WAC: variants seen among roughly 807,000 people sequenced by gnomAD.
WAC encodes WW domain containing adaptor with coiled-coil, also known as WW domain-containing adapter protein with coiled-coil.
Under a neutral mutation model 79.6 loss-of-function variants are expected in WAC, and 11 were observed. That is an observed-to-expected ratio of 0.14 (90% CI 0.09 to 0.23). The LOEUF (loss-of-function observed/expected upper bound fraction) is 0.23. Among genes scored for constraint, WAC ranks in the 10% least tolerant of loss-of-function variants. The probability of loss-of-function intolerance (pLI) is 1.00; values close to 1 mark genes in which losing one functional copy is unlikely to be tolerated. For missense variants in WAC, 728 were observed against 773.5 expected, an observed-to-expected ratio of 0.94 and a Z score of 0.70; for synonymous variants, 304 against 276.9, an observed-to-expected ratio of 1.10 and a Z score of -0.97.
At chr10:28,592,154 C>T (rs1840125541) in intron 6 of WAC, among the ~76,000 whole-genome samples, 1 of 152,078 alleles carries the variant, frequency 6.6e-6, no homozygotes, top group Non-Finnish European at 1.5e-5. Flanking sequence ...TATTAAAGAA[C>T]ATTGAATTTT....
intron 3 of WAC, among the ~76,000 whole-genome samples, chr10:28,544,227 A>G (rs1426727133): frequency 6.6e-6 from 1 of 152,092 alleles, no homozygotes; most frequent in Non-Finnish European, 1.5e-5. Context: ...TGTTCCCTTT[A>G]TTCGCTTGTA....
intron 3 of WAC, among the ~76,000 whole-genome samples, chr10:28,544,747 T>G (rs1005558693): frequency 6.6e-6 from 1 of 151,964 alleles, no homozygotes; most frequent in Non-Finnish European, 1.5e-5. Flanking sequence ...CAGAGATTTT[T>G]GGGGATAGAT....
In WAC at chr10:28,584,670, C is replaced by T. The variant is rs73609826; in HGVS notation, c.381+1165C>T. 5.9e-3 allele frequency among the ~76,000 whole-genome samples: 903 copies of T among 152,200 alleles called. 7 individuals carry two copies. Among genetic ancestry groups the T allele is most frequent in the African/African-American group, 0.015 (627 of 41,522 alleles). On this transcript the variant is annotated intron_variant, in intron 4 of 13. Transcript: ENST00000354911. ...TGAGTGATCATCATGTCTTAATTGA[C>T]GTTGAAAGACCTTCAGATTTTATTT...
intron 4 of WAC, among the ~76,000 whole-genome samples, chr10:28,584,074 A>G (rs942436676): frequency 6.6e-6 from 1 of 152,226 alleles, no homozygotes; most frequent in African/African-American, 2.4e-5. Context: ...TAAGGTTTTA[A>G]TTCACCAGGC....
chr10:28,606,823 G>A (rs2132795360), intron 7 of WAC, among the ~76,000 whole-genome samples: 1 of 152,318 alleles, frequency 6.6e-6, no homozygotes, highest in African/African-American at 2.4e-5. Flanking sequence ...GTCATGTAGT[G>A]TTCGTATCTT....
chr10:28,567,020 C>T (rs2132522992), intron 3 of WAC, among the ~76,000 whole-genome samples: 1 of 149,388 alleles, frequency 6.7e-6, no homozygotes, highest in African/African-American at 2.5e-5. Flanking sequence ...GGCATCTTAT[C>T]TCTAAGTACT....
At position 28,564,087 on chromosome 10, in the gene WAC, A is replaced by G. The variant is rs562291959; in HGVS notation, c.275-19312A>G. Among the ~76,000 whole-genome samples the G allele has an allele frequency of 5.5e-4, 84 of 152,066 alleles. 1 individual carries two copies. The highest frequency in any genetic ancestry group is 3.6e-3 in the Admixed American group (55 of 15,262). ...AGCTCAGTTTGAGACCAGGCTGGGC[A>G]ACTCCATCTTTACCAAAAAATACAA... On this transcript the variant is annotated intron_variant, in intron 3 of 13. Coordinates refer to ENST00000354911, the MANE Select transcript of WAC (RefSeq NM_016628.5).
At position 28,550,550 on chromosome 10, in the gene WAC, G is replaced by A. The variant is rs78047576; in HGVS notation, c.274+14793G>A. Among the ~76,000 whole-genome samples the A allele has an allele frequency of 6.6e-3, 1,010 of 152,186 alleles. 10 individuals carry two copies. Among genetic ancestry groups the A allele is most frequent in the African/African-American group, 0.024 (978 of 41,502 alleles). On this transcript the variant is annotated intron_variant, in intron 3 of 13. Coordinates refer to ENST00000354911, the MANE Select transcript of WAC (RefSeq NM_016628.5). Reference sequence around the variant, plus strand: ...CAGCGATTTGTATGTGTGTGTGGAGGGGGGTCTGGTGTATATATATGTGCT... The same window carrying A: ...CAGCGATTTGTATGTGTGTGTGGAGAGGGGTCTGGTGTATATATATGTGCT...
At position 28,533,560 on chromosome 10, in the gene WAC, C is replaced by T. The variant is rs761852135; in HGVS notation, c.-20C>T. The T allele has an allele frequency of 1.3e-6, 2 of 1,502,128 alleles. No homozygotes were observed. The highest frequency in any genetic ancestry group is 1.8e-6 in the Non-Finnish European group (2 of 1,117,668). The allele number at this position is 1,502,128 out of a possible 1,614,324, so 93.0% of individuals were successfully genotyped here. Reference sequence around the variant, plus strand: ...GCCGCTCTCCCCCCTCCCCGACACACACTCACAGGCCGGGCATTGATGGTA... The same window carrying T: ...GCCGCTCTCCCCCCTCCCCGACACATACTCACAGGCCGGGCATTGATGGTA... On this transcript the variant is annotated 5_prime_UTR_variant, in exon 1 of 14. Coordinates refer to ENST00000354911, the MANE Select transcript of WAC (RefSeq NM_016628.5).
chr10:28,541,405 G>C, intron 3 of WAC, among the ~76,000 whole-genome samples: 1 of 88,420 alleles, frequency 1.1e-5, no homozygotes, highest in Non-Finnish European at 2.4e-5. Context: ...GTGGGGTTGT[G>C]TGTGTGTGTG....
rs1438581008 is a variant in WAC at position 28,536,394 on chromosome 10, A to T, written c.274+637A>T. ...GACCTTTTAAAGATTTCAGTTTGAG[A>T]TCCTTATTGTTGCTTCAGTTTGTTA... On this transcript the variant is annotated intron_variant, in intron 3 of 13. Transcript: ENST00000354911. 3.3e-5 allele frequency among the ~76,000 whole-genome samples: 5 copies of T among 152,146 alleles called. No homozygotes were observed. The South Asian group carries it at 6.2e-4, about 19-fold the overall frequency.
At chr10:28,556,329 A>T (rs1346386582) in intron 3 of WAC, among the ~76,000 whole-genome samples, 1 of 144,672 alleles carries the variant, frequency 6.9e-6, no homozygotes, top group Non-Finnish European at 1.5e-5. Flanking sequence ...ACTTTTTAAT[A>T]TACCTGTCAA....
chr10:28,534,592 C>T (rs951365317), intron 2 of WAC, among the ~76,000 whole-genome samples: 2 of 152,188 alleles, frequency 1.3e-5, no homozygotes, highest in African/African-American at 2.4e-5. Flanking sequence ...GATAATCATT[C>T]TGATGTAGGT....
intron 4 of WAC, among the ~76,000 whole-genome samples, chr10:28,588,563 G>A (rs1839933631): frequency 6.6e-6 from 1 of 152,158 alleles, no homozygotes; most frequent in South Asian, 2.1e-4. Flanking sequence ...CTCTCAGCTT[G>A]TTTCCTAGTT....
intron 3 of WAC, among the ~76,000 whole-genome samples, chr10:28,563,767 T>TA (rs1838434159): frequency 7.5e-6 from 1 of 134,198 alleles, no homozygotes; most frequent in Non-Finnish European, 1.6e-5. Context: ...TTTTTTTTTT[T>TA]TTTTTTGTAT....
chr10:28,609,698 C>T (rs1254266768), intron 8 of WAC, among the ~76,000 whole-genome samples: 1 of 151,932 alleles, frequency 6.6e-6, no homozygotes, highest in Non-Finnish European at 1.5e-5. Context: ...ACATGGTGAA[C>T]CCCATCTCTA....
At chr10:28,604,813 T>C (rs551766239) in intron 7 of WAC, among the ~76,000 whole-genome samples, 10 of 152,294 alleles carry the variant, frequency 6.6e-5, no homozygotes, top group Admixed American at 6.5e-4. Context: ...TAGAAGATAC[T>C]GAGTAATACA....
At position 28,572,140 on chromosome 10, in the gene WAC, C is replaced by G. The variant is rs567996315; in HGVS notation, c.275-11259C>G. Among the ~76,000 whole-genome samples, 557 of 150,596 alleles carry G rather than the reference C, an allele frequency of 3.7e-3. 1 individual carries two copies. The highest frequency in any genetic ancestry group is 5.8e-3 in the Non-Finnish European group (395 of 67,784). ...GATCACGAGGTTAGGAGTTCAAGAC[C>G]AGCCTGGCCAAGATGGTGAAACCCC... On this transcript the variant is annotated intron_variant, in intron 3 of 13. Coordinates refer to ENST00000354911, the MANE Select transcript of WAC (RefSeq NM_016628.5).
intron 7 of WAC, among the ~76,000 whole-genome samples, chr10:28,604,870 A>G (rs1184063163): frequency 6.6e-6 from 1 of 152,228 alleles, no homozygotes; most frequent in East Asian, 1.9e-4. Flanking sequence ...GGGGCACCCA[A>G]TCAACACTTT....
Sources: gnomAD v4.1 joint callset for allele counts (sites outside exome capture counted in the v4.1 genomes callset) on GRCh38, gnomAD v4.1.1 for gene constraint, MANE v1.5 for transcripts, NCBI Gene and HGNC (gene_info 2026-07-23, HGNC 2026-07-21) for gene names.